Variants in JAG1 observed in about 807,000 individuals in gnomAD.
JAG1 encodes the protein jagged canonical Notch ligand 1.
A neutral mutation model predicts 148.7 loss-of-function variants in JAG1; 23 were observed. That is an observed-to-expected ratio of 0.15 (90% CI 0.11 to 0.22). The LOEUF is 0.22. Among genes scored for constraint, JAG1 ranks in the 10% least tolerant of loss-of-function variants. The pLI is 1.00. For synonymous variants in JAG1, 572 were observed against 598.3 expected, an observed-to-expected ratio of 0.96 and a Z score of 0.64; for missense variants, 1,054 against 1,611.2, an observed-to-expected ratio of 0.65 and a Z score of 5.92.
In JAG1 at chr20:10,649,123, GTCA is replaced by G. The variant is rs756384545; in HGVS notation, c.1349-19_1349-17del. 19 of 1,574,180 alleles carry G rather than the reference GTCA, an allele frequency of 1.2e-5. No individual in the cohort carries two copies. The highest frequency in any genetic ancestry group is 1.0e-4 in the Admixed American group (6 of 59,930). On this transcript the variant is annotated splice_polypyrimidine_tract_variant and intron_variant, in intron 10 of 25. Coordinates refer to ENST00000254958, the MANE Select transcript of JAG1 (RefSeq NM_000214.3). ...TCATTAATATCTAAAAAATAAATAA[GTCA>G]TCATTTTAAAGAGGTAATTTACAGT...
Position 10,673,622 on chromosome 20 carries a change from G to T in JAG1, c.-92C>A. 1 of 588,700 alleles carries T rather than the reference G, an allele frequency of 1.7e-6. No individual in the cohort carries two copies. The highest frequency in any genetic ancestry group is 2.4e-6 in the Non-Finnish European group (1 of 418,048). The allele number at this position is 588,700 out of a possible 1,614,324, so 36.5% of individuals were successfully genotyped here. On this transcript the variant is annotated 5_prime_UTR_variant, in exon 1 of 26. Coordinates refer to ENST00000254958, the MANE Select transcript of JAG1 (RefSeq NM_000214.3). The surrounding 1 kb of genome is among the most constrained non-coding windows in gnomAD (Gnocchi z 4.7). ...TGCTGCCGTCGCCGCTGCCCCTGCGGCCGCCGCGTCCCGGCTCTAATATAC... is the reference window on the plus strand; with the variant it reads ...TGCTGCCGTCGCCGCTGCCCCTGCGTCCGCCGCGTCCCGGCTCTAATATAC...
chr20:10,659,550 ATTAAG>A (rs1273178974), intron 3 of JAG1, among the ~76,000 whole-genome samples: 7 of 122,502 alleles, frequency 5.7e-5, no homozygotes, highest in Non-Finnish European at 1.1e-4. Flanking sequence ...CAAGGAGACG[ATTAAG>A]TTACTTTTTT....
chr20:10,649,139 G>A (rs770745189), intron 10 of JAG1, 32 bp from the exon 11 acceptor site: 1 of 1,478,518 alleles, frequency 6.8e-7, no homozygotes, highest in Admixed American at 1.7e-5. Context: ...ATTTTAAAGA[G>A]GTAATTTACA....
chr20:10,639,455 A>T lies in JAG1; in HGVS notation c.*43T>A. 1 of 1,521,788 alleles carries T rather than the reference A, an allele frequency of 6.6e-7. No individual in the cohort carries two copies. Among genetic ancestry groups the T allele is most frequent in the Non-Finnish European group, 9.1e-7 (1 of 1,095,648 alleles). 94.3% of individuals were successfully genotyped at this position (1,521,788 alleles called of 1,614,324 possible). ...ATGACACGACAGTTTAAAGAACTAC[A>T]AGCCCTCAGACTCTACCTAGCGGCG... On this transcript the variant is annotated 3_prime_UTR_variant, in exon 26 of 26. Coordinates refer to ENST00000254958, the MANE Select transcript of JAG1 (RefSeq NM_000214.3).
At chr20:10,643,725 C>T in intron 20 of JAG1, 53 bp downstream of exon 20, 1 of 1,367,710 alleles carries the variant, frequency 7.3e-7, no homozygotes, top group South Asian at 1.2e-5. Flanking sequence ...TGGGGTGAGG[C>T]ATGGAATGAA....
In JAG1 at chr20:10,639,487, C is replaced by T; in HGVS notation, c.*11G>A. Reference sequence around the variant, plus strand: ...CAGACTCTACCTAGCGGCGGCAGTGCCCGCGGTCTGCTATACGATGTACTC... The same window carrying T: ...CAGACTCTACCTAGCGGCGGCAGTGTCCGCGGTCTGCTATACGATGTACTC... On this transcript the variant is annotated 3_prime_UTR_variant, in exon 26 of 26. Transcript: ENST00000254958. The T allele has an allele frequency of 3.1e-6, 5 of 1,612,190 alleles. No individual in the cohort carries two copies. The highest frequency in any genetic ancestry group is 4.2e-6 in the Non-Finnish European group (5 of 1,178,196).
intron 5 of JAG1, among the ~76,000 whole-genome samples, chr20:10,653,908 C>A (rs1340012902): frequency 3.3e-5 from 5 of 152,180 alleles, no homozygotes; most frequent in Non-Finnish European, 7.3e-5. Context: ...GCAAAGAAAT[C>A]ACTAGAATGT....
In JAG1 at chr20:10,639,845, G is replaced by A; in HGVS notation, c.3310C>T (p.His1104Tyr). 1.2e-6 allele frequency: 2 copies of A among 1,614,192 alleles called. No individual in the cohort carries two copies. Among genetic ancestry groups the A allele is most frequent in the Non-Finnish European group, 1.7e-6 (2 of 1,180,002 alleles). Residue 1104 changes from histidine to tyrosine, a missense_variant, in exon 26 of 26, where the codon CAC (histidine) becomes TAC (tyrosine). This residue lies in a region of JAG1 where 177 missense variants were observed against 177.3 expected (regional missense o/e 1.00). Coordinates refer to ENST00000254958, the MANE Select transcript of JAG1 (RefSeq NM_000214.3). ...GTGGTGTTGTCCTCAGAGGCTGAGT[G>A]TGTGTGGCTGCCCGGCTTCCGCCGC... is the stretch of plus-strand genomic sequence containing the variant. ...RKRRKPGSHTHSASEDNTTNN... is the reference protein window; with the variant it reads ...RKRRKPGSHTYSASEDNTTNN...
intron 25 of JAG1, 114 bp downstream of exon 25, chr20:10,640,669 A>T: frequency 9.3e-7 from 1 of 1,079,790 alleles, no homozygotes; most frequent in Admixed American, 1.7e-5. Flanking sequence ...TTAAATTGGG[A>T]GCTCCTGCGA....
intron 2 of JAG1, among the ~76,000 whole-genome samples, chr20:10,667,554 G>A (rs943437431): frequency 3.3e-5 from 5 of 152,226 alleles, no homozygotes; most frequent in Non-Finnish European, 7.3e-5. Flanking sequence ...TGCACACAAT[G>A]CGAGTGGGTT....
chr20:10,648,716 C>A lies in JAG1; in HGVS notation c.1402G>T (p.Val468Phe). ...CQNDASCRDL[V>F]NGYRCICPPG... The stretch of plus-strand genomic sequence containing the variant: ...GGACAGATACAGCGATAACCATTAA[C>A]CAAATCCTAGAAGAGGAGAAGGGGA... Residue 468 changes from valine (V) to phenylalanine (F), a missense_variant, in exon 12 of 26, where the codon GTT becomes TTT. By Grantham distance (50) the Val-to-Phe change is conservative. Coordinates refer to ENST00000254958, the MANE Select transcript of JAG1 (RefSeq NM_000214.3). 6.2e-7 allele frequency: 1 copy of A among 1,614,178 alleles called. No homozygotes were observed. The highest frequency in any genetic ancestry group is 8.5e-7 in the Non-Finnish European group (1 of 1,179,988).
intron 23 of JAG1, 61 bp from the exon 24 acceptor site, chr20:10,641,305 G>C: frequency 6.3e-7 from 1 of 1,599,872 alleles, no homozygotes; most frequent in Non-Finnish European, 8.6e-7. Flanking sequence ...AAAAGGCTGA[G>C]ATGTTCTCTT....
intron 8 of JAG1, chr20:10,650,642 A>T: frequency 4.5e-6 from 2 of 443,370 alleles, no homozygotes; most frequent in South Asian, 4.6e-5. Flanking sequence ...AACACAGGAC[A>T]TCTCTATCTG....
In JAG1 at chr20:10,648,656, T is replaced by C. The variant is rs1374195197; in HGVS notation, c.1462A>G (p.Ile488Val). 2.5e-6 allele frequency: 4 copies of C among 1,614,210 alleles called. No homozygotes were observed. The highest frequency in any genetic ancestry group is 3.4e-6 in the Non-Finnish European group (4 of 1,180,024). The change falls in exon 12 of 26, where the codon ATC becomes GTC. Residue 488 changes from isoleucine to valine, a missense_variant. Ile to Val is a conservative substitution (Grantham distance 29). Around this residue, in one of 6 missense-constraint regions of JAG1, gnomAD observed 245 missense variants for 373.1 expected, o/e 0.66. Coordinates refer to ENST00000254958, the MANE Select transcript of JAG1 (RefSeq NM_000214.3). ...GYAGDHCERD[I>V]DECASNPCLN... ...CAGGGGTTGCTGGCACATTCATCGA[T>C]GTCTCTCTCACAGTGATCGCCTGCA...
At chr20:10,663,049 A>C (rs1458820602) in intron 3 of JAG1, among the ~76,000 whole-genome samples, 1 of 151,964 alleles carries the variant, frequency 6.6e-6, no homozygotes, top group African/African-American at 2.4e-5. Context: ...AAAGCAAGGC[A>C]AGGAAAGATG....
chr20:10,642,357 C>G, intron 21 of JAG1, 131 bp downstream of exon 21: 1 of 701,138 alleles, frequency 1.4e-6, no homozygotes, highest in Non-Finnish European at 2.6e-6. Context: ...CTTCACGTTC[C>G]CTTTCCCTTG....
chr20:10,669,547 CAAAAAAAAAAAAAAAAAAAAAAAAAAA>C (rs56122797), intron 2 of JAG1, among the ~76,000 whole-genome samples: 17 of 44,200 alleles, frequency 3.8e-4, no homozygotes, highest in Non-Finnish European at 6.7e-4. Context: ...TTGGATTTTC[CAAAAAAAAAAAAAAAAAAAAAAAAAAA>C]AAAAAAAAAA....
chr20:10,664,871 C>T (rs1399308115), intron 2 of JAG1, among the ~76,000 whole-genome samples: 1 of 152,180 alleles, frequency 6.6e-6, no homozygotes, highest in Non-Finnish European at 1.5e-5. Context: ...CAGAATTCCA[C>T]CTCCCCACCC....
rs751516838 is a variant in JAG1 at position 10,651,686 on chromosome 20, C to A, written c.1015G>T (p.Ala339Ser). 2.2e-4 allele frequency: 357 copies of A among 1,611,230 alleles called. No individual in the cohort carries two copies. The highest frequency in any genetic ancestry group is 2.8e-4 in the Non-Finnish European group (333 of 1,177,944). Residue 339 changes from alanine (A) to serine (S), a missense_variant, in exon 8 of 26, where the codon GCC becomes TCC. Coordinates refer to ENST00000254958, the MANE Select transcript of JAG1 (RefSeq NM_000214.3). Reference sequence around the variant, plus strand: ...TTGTGACAGGGATCAGAGAGGCAGGCGTGCTCAGCTGCAAAAACCAGGATG... The same window carrying A: ...TTGTGACAGGGATCAGAGAGGCAGGAGTGCTCAGCTGCAAAAACCAGGATG... ...SGPNCEIAEH[A>S]CLSDPCHNRG...
Sources: allele counts gnomAD v4.1 joint callset (sites outside exome capture counted in the v4.1 genomes callset), GRCh38; gene constraint gnomAD v4.1.1; regional missense constraint gnomAD v4.1.1; non-coding constraint Gnocchi (gnomAD v3.1); transcripts MANE v1.5; gene names NCBI Gene and HGNC (gene_info 2026-07-23, HGNC 2026-07-21).